Variants in FXN observed in about 807,000 individuals in gnomAD.
The protein encoded by FXN is frataxin.
A neutral mutation model predicts 22.4 loss-of-function variants in FXN; 14 were observed. The ratio of observed to expected loss-of-function variants is 0.62; its 90% confidence interval spans 0.41 to 0.98. The LOEUF is 0.98. FXN is among the 50% of genes least tolerant of loss of function. The pLI is 0.00. For synonymous variants in FXN, 120 were observed against 114.1 expected (o/e 1.05, Z -0.33); for missense variants, 267 against 268.4 (o/e 0.99, Z 0.04).
At chr9:69,064,879 A>G (rs1207284240) in intron 3 of FXN, 59 bp from the exon 4 acceptor site, 1 of 1,002,404 alleles carries the variant, frequency 1.0e-6, no homozygotes, top group Non-Finnish European at 1.6e-6. Flanking sequence ...AATGATGACA[A>G]AGTGCTAACT....
chr9:69,064,991 C>T lies in FXN; in HGVS notation c.438C>T (p.Asn146=). 4 of 1,613,978 alleles carry T rather than the reference C, an allele frequency of 2.5e-6. No homozygotes were observed. In the African/African-American group the frequency reaches 4.0e-5, roughly 16 times the overall value. Residue 146 remains asparagine (N), a synonymous_variant, in exon 4 of 5, where the codon AAC becomes AAT. Coordinates refer to ENST00000484259, the MANE Select transcript of FXN (RefSeq NM_000144.5). ...LGGDLGTYVI[N]KQTPNKQIWL... is the part of the protein sequence containing the mutation. ...GAGATCTAGGAACCTATGTGATCAA[C>T]AAGCAGACGCCAAACAAGCAAATCT... is the stretch of plus-strand genomic sequence containing the variant.
rs1391130292 is a variant in FXN at position 69,078,622 on chromosome 9, C to G, written c.*5860C>G. 1.0e-6 allele frequency: 1 copy of G among 985,680 alleles called. No individual in the cohort carries two copies. The highest frequency in any genetic ancestry group is 1.2e-6 in the Non-Finnish European group (1 of 829,998). 61.1% of individuals were successfully genotyped at this position (985,680 alleles called of 1,614,324 possible). A position where few individuals can be genotyped will look rare whatever the true frequency, so the allele number is the denominator to read the frequency against. On this transcript the variant is annotated 3_prime_UTR_variant, in exon 5 of 5. Transcript: ENST00000484259. ...TACATATAATTATGCTTTTCTACCC[C>G]CTCACACTCAACACTTTGACTCCAG...
At chr9:69,059,189 C>T (rs1432153515) in intron 3 of FXN, among the ~76,000 whole-genome samples, 1 of 152,118 alleles carries the variant, frequency 6.6e-6, no homozygotes, top group Non-Finnish European at 1.5e-5. Flanking sequence ...AGCCAAAACT[C>T]GGTGATTGGT....
At chr9:69,043,917 C>T (rs977320345) in intron 1 of FXN, among the ~76,000 whole-genome samples, 1 of 152,040 alleles carries the variant, frequency 6.6e-6, no homozygotes, top group African/African-American at 2.4e-5. Context: ...GAAATGAGGT[C>T]TCTCTATGTT....
At chr9:69,041,486 A>G (rs1227095738) in intron 1 of FXN, among the ~76,000 whole-genome samples, 1 of 152,196 alleles carries the variant, frequency 6.6e-6, no homozygotes, top group Non-Finnish European at 1.5e-5. Flanking sequence ...GTTCTTGTGC[A>G]TGGACAGAAG....
rs187766971 is a variant in FXN, at chr9:69,048,747, C to T, written c.263+2265C>T. Among the ~76,000 whole-genome samples the T allele has an allele frequency of 1.7e-3, 263 of 152,272 alleles. 1 individual carries two copies. Among genetic ancestry groups the T allele is most frequent in the African/African-American group, 2.1e-3 (87 of 41,546 alleles). On this transcript the variant is annotated intron_variant, in intron 2 of 4. Transcript: ENST00000484259. ...TCTACTAAAAGCAACAAGAAGCCAC[C>T]GGTATTCAGGAACATTCTACCTGTC... is the stretch of plus-strand genomic sequence containing the variant.
At position 69,078,323 on chromosome 9, in the gene FXN, A is replaced by C. The variant is rs1047474140; in HGVS notation, c.*5561A>C. 2 of 985,386 alleles carry C rather than the reference A, an allele frequency of 2.0e-6. No individual in the cohort carries two copies. The highest frequency in any genetic ancestry group is 1.1e-4 in the East Asian group (1 of 8,824). 61.0% of individuals were successfully genotyped at this position (985,386 alleles called of 1,614,324 possible). ...GGATTCCTCTTGCCAGTCCATCAGCAGTTCCCCTTGAAAGTTTCACCAAAC... is the reference window on the plus strand; with the variant it reads ...GGATTCCTCTTGCCAGTCCATCAGCCGTTCCCCTTGAAAGTTTCACCAAAC... On this transcript the variant is annotated 3_prime_UTR_variant, in exon 5 of 5. Coordinates refer to ENST00000484259, the MANE Select transcript of FXN (RefSeq NM_000144.5).
At chr9:69,038,446 G>GA (rs776815324) in intron 1 of FXN, among the ~76,000 whole-genome samples, 4 of 150,002 alleles carry the variant, frequency 2.7e-5, no homozygotes, top group East Asian at 2.0e-4. Flanking sequence ...TAGTTAAAAA[G>GA]AAAAAAAAAT....
intron 1 of FXN, among the ~76,000 whole-genome samples, chr9:69,037,549 G>A (rs1831586875): frequency 6.6e-6 from 1 of 152,154 alleles, no homozygotes; most frequent in Admixed American, 6.5e-5. Context: ...GGCCATGATG[G>A]TCCTTAGATC....
intron 3 of FXN, among the ~76,000 whole-genome samples, chr9:69,063,721 T>TC (rs3838715): frequency 1.2e-5 from 1 of 86,952 alleles, no homozygotes; most frequent in Non-Finnish European, 2.7e-5. Context: ...AGGATCTCTG[T>TC]CGCCCAGTCT....
intron 1 of FXN, among the ~76,000 whole-genome samples, chr9:69,038,380 A>G (rs1211425539): frequency 6.6e-6 from 1 of 152,182 alleles, no homozygotes; most frequent in Non-Finnish European, 1.5e-5. Context: ...ATCTACTTCT[A>G]AAGCAGCTGT....
chr9:69,064,535 C>T (rs1832134654), intron 3 of FXN, among the ~76,000 whole-genome samples: 1 of 152,140 alleles, frequency 6.6e-6, no homozygotes, highest in Admixed American at 6.5e-5. Context: ...TGACGTGGTA[C>T]TCTAATAGAG....
At chr9:69,045,591 TCAAAAA>T (rs1831737584) in intron 1 of FXN, among the ~76,000 whole-genome samples, 1 of 151,268 alleles carries the variant, frequency 6.6e-6, no homozygotes, top group East Asian at 1.9e-4. Flanking sequence ...AGACTTCATC[TCAAAAA>T]CAAAAAACAA....
chr9:69,054,833 G>C (rs1326784339), intron 3 of FXN, among the ~76,000 whole-genome samples: 1 of 152,166 alleles, frequency 6.6e-6, no homozygotes, highest in Non-Finnish European at 1.5e-5. Context: ...CCTCTTGATG[G>C]CAATTGACTA....
intron 3 of FXN, among the ~76,000 whole-genome samples, chr9:69,056,967 C>A (rs1480769296): frequency 2.2e-4 from 30 of 139,336 alleles, no homozygotes; most frequent in Admixed American, 2.1e-3. Context: ...TAGTCTTGAA[C>A]TCCTGACCTC....
chr9:69,037,603 A>C (rs775124025), intron 1 of FXN, among the ~76,000 whole-genome samples: 1 of 152,204 alleles, frequency 6.6e-6, no homozygotes, highest in Non-Finnish European at 1.5e-5. Context: ...TCTGTGCACT[A>C]TCTGAGCTGC....
chr9:69,075,184 A>G lies in FXN; in HGVS notation c.*2422A>G. Reference sequence around the variant, plus strand: ...TTTAAGGAAAGAAAAGGGGCCTGGCACAGTGGCTCATGCCTGTAATCCCAG... The same window carrying G: ...TTTAAGGAAAGAAAAGGGGCCTGGCGCAGTGGCTCATGCCTGTAATCCCAG... On this transcript the variant is annotated 3_prime_UTR_variant, in exon 5 of 5. Coordinates refer to ENST00000484259, the MANE Select transcript of FXN (RefSeq NM_000144.5). 1 of 985,124 alleles carries G rather than the reference A, an allele frequency of 1.0e-6. No homozygotes were observed. The highest frequency in any genetic ancestry group is 1.2e-6 in the Non-Finnish European group (1 of 829,652). The allele number at this position is 985,124 out of a possible 1,614,324, so 61.0% of individuals were successfully genotyped here. A position where few individuals can be genotyped will look rare whatever the true frequency, so the allele number is the denominator to read the frequency against.
Position 69,074,982 on chromosome 9 carries a change from G to A in FXN, c.*2220G>A. On this transcript the variant is annotated 3_prime_UTR_variant, in exon 5 of 5. Coordinates refer to ENST00000484259, the MANE Select transcript of FXN (RefSeq NM_000144.5). ...GTGACATGATGTACTCCTTTATCTG[G>A]GACACAGCACAAAAGAGGTATGCAG... 1.0e-6 allele frequency: 1 copy of A among 985,326 alleles called. No homozygotes were observed. The highest frequency in any genetic ancestry group is 1.2e-6 in the Non-Finnish European group (1 of 829,892). The allele number at this position is 985,326 out of a possible 1,614,324, so 61.0% of individuals were successfully genotyped here. A position where few individuals can be genotyped will look rare whatever the true frequency, so the allele number is the denominator to read the frequency against.
In FXN at chr9:69,076,140, G is replaced by T. The variant is rs1463979908; in HGVS notation, c.*3378G>T. 1 of 985,088 alleles carries T rather than the reference G, an allele frequency of 1.0e-6. No homozygotes were observed. Among genetic ancestry groups the T allele is most frequent in the Non-Finnish European group, 1.2e-6 (1 of 829,788 alleles). 61.0% of individuals were successfully genotyped at this position (985,088 alleles called of 1,614,324 possible). On this transcript the variant is annotated 3_prime_UTR_variant, in exon 5 of 5. Coordinates refer to ENST00000484259, the MANE Select transcript of FXN (RefSeq NM_000144.5). Reference sequence around the variant, plus strand: ...AATGAGGTGTGTAAAAGAGAACCTGGGTTTTTGAATCACAAATTTAGAATT... The same window carrying T: ...AATGAGGTGTGTAAAAGAGAACCTGTGTTTTTGAATCACAAATTTAGAATT...
Sources: gnomAD v4.1 joint callset for allele counts (sites outside exome capture counted in the v4.1 genomes callset) on GRCh38, gnomAD v4.1.1 for gene constraint, MANE v1.5 for transcripts, NCBI Gene and HGNC (gene_info 2026-07-23, HGNC 2026-07-21) for gene names.